IFT81: variants seen among roughly 807,000 people sequenced by gnomAD.
The protein encoded by IFT81 is intraflagellar transport 81.
In IFT81, 72 loss-of-function variants were observed where a neutral mutation model predicts 102.6. The observed-to-expected ratio is 0.70, with a 90% CI of 0.58 to 0.85. IFT81 has a LOEUF of 0.85. Among genes scored for constraint, IFT81 ranks in the 40% least tolerant of loss-of-function variants. The pLI, the probability that IFT81 is intolerant of heterozygous loss-of-function variation, is 0.00. For missense variants in IFT81, 723 were observed against 787.3 expected (o/e 0.92, Z 0.98); for synonymous variants, 237 against 242.7 (o/e 0.98, Z 0.22).
chr12:110,156,950 T>A lies in IFT81; in HGVS notation c.1042-5969T>A, dbSNP rs79938910. ...ATGATCTTATTGAGGATCTCTTGTA[T>A]GTGACTAGTCAGTCTCTTGATGCCT... On this transcript the variant is annotated intron_variant, in intron 10 of 18. Transcript: ENST00000242591. Among the ~76,000 whole-genome samples, 471 of 152,342 alleles carry A rather than the reference T, an allele frequency of 3.1e-3. 15 individuals carry two copies. The East Asian group carries it at 0.07, about 23-fold the overall frequency.
At chr12:110,140,096 T>C (rs1470349027) in intron 8 of IFT81, among the ~76,000 whole-genome samples, 2 of 151,850 alleles carry the variant, frequency 1.3e-5, no homozygotes, top group Non-Finnish European at 2.9e-5. Context: ...ATATTTAAAA[T>C]GTATTAAATT....
chr12:110,193,292 G>A (rs1160352303), intron 14 of IFT81, among the ~76,000 whole-genome samples: 2 of 152,146 alleles, frequency 1.3e-5, no homozygotes, highest in Non-Finnish European at 2.9e-5. Context: ...AATTCAGCCA[G>A]AGGAGATTTT....
At chr12:110,137,690 C>T (rs1020800780) in intron 8 of IFT81, among the ~76,000 whole-genome samples, 11 of 151,970 alleles carry the variant, frequency 7.2e-5, no homozygotes, top group Admixed American at 4.6e-4. Context: ...GAGCCGAGAT[C>T]GCGCCATTGT....
At chr12:110,186,717 C>T (rs144268603) in intron 12 of IFT81, among the ~76,000 whole-genome samples, 1 of 151,950 alleles carries the variant, frequency 6.6e-6, no homozygotes, top group African/African-American at 2.4e-5. Context: ...TTTTTTTAGA[C>T]ACAGGGTTTT....
intron 10 of IFT81, among the ~76,000 whole-genome samples, chr12:110,149,532 T>C (rs959941936): frequency 1.4e-4 from 21 of 152,232 alleles, no homozygotes; most frequent in African/African-American, 3.6e-4. Flanking sequence ...CTGGGGTTCT[T>C]GTCTTGGTGT....
Position 110,218,207 on chromosome 12 carries a change from AGGACC to A in IFT81, c.2015_2019del (p.Asp672AlafsTer15), listed in dbSNP as rs864309658. The A allele has an allele frequency of 4.2e-5, 66 of 1,562,968 alleles. 1 individual carries two copies. The Middle Eastern group carries it at 1.6e-3, about 37-fold the overall frequency. On this transcript the variant is annotated frameshift_variant, in exon 19 of 19. Transcript: ENST00000242591. LOFTEE classifies it high-confidence loss of function. ...GGTCAGGTAATTCAGGAGGGTGGGG[AGGACC>A]GGCTAATACTGTGAATTCTTGTGTC... is the stretch of plus-strand genomic sequence containing the variant.
At chr12:110,159,052 G>A (rs900762785) in intron 10 of IFT81, among the ~76,000 whole-genome samples, 2 of 152,182 alleles carry the variant, frequency 1.3e-5, no homozygotes, top group African/African-American at 2.4e-5. Context: ...GTGGACATTG[G>A]AATCTCATAA....
chr12:110,216,902 G>C (rs1212522030), intron 18 of IFT81: 1 of 193,538 alleles, frequency 5.2e-6, no homozygotes, highest in Non-Finnish European at 1.1e-5. Flanking sequence ...TGATCCTGTT[G>C]GTTTCTTGAG....
chr12:110,185,966 C>T (rs539561641), intron 12 of IFT81, among the ~76,000 whole-genome samples: 1 of 152,246 alleles, frequency 6.6e-6, no homozygotes, highest in East Asian at 1.9e-4. Context: ...CCTGTTTACT[C>T]TTTTCATGGT....
Position 110,190,917 on chromosome 12 carries a change from T to C in IFT81, c.1339-3T>C, listed in dbSNP as rs1370119786. On this transcript the variant is annotated splice_region_variant and splice_polypyrimidine_tract_variant and intron_variant, in intron 12 of 18. Transcript: ENST00000242591. ...TTGTGGCCTTTTTATTTTTTACTTA[T>C]AGCAAACTATGGAGGAGAAAAAGGG... 1 of 1,522,670 alleles carries C rather than the reference T, an allele frequency of 6.6e-7. No homozygotes were observed. The highest frequency in any genetic ancestry group is 2.4e-5 in the East Asian group (1 of 41,276). The allele number at this position is 1,522,670 out of a possible 1,614,324, so 94.3% of individuals were successfully genotyped here.
In IFT81 at chr12:110,150,524, G is replaced by A. The variant is rs138061244; in HGVS notation, c.1041+3476G>A. Among the ~76,000 whole-genome samples the A allele has an allele frequency of 3.8e-4, 58 of 152,160 alleles. 1 individual carries two copies. The highest frequency in any genetic ancestry group is 1.2e-3 in the African/African-American group (50 of 41,496). ...GGACTACTTGGTTTTACTTAGTCTC[G>A]TCAATCTCACATCTTTTTCCTTATC... On this transcript the variant is annotated intron_variant, in intron 10 of 18. Transcript: ENST00000242591.
intron 12 of IFT81, among the ~76,000 whole-genome samples, chr12:110,185,381 G>A (rs1376001527): frequency 6.6e-6 from 1 of 151,452 alleles, no homozygotes; most frequent in Non-Finnish European, 1.5e-5. Context: ...TAGTAGAGAC[G>A]GGGTTTCACC....
rs551236440 is a variant in IFT81 at position 110,136,788 on chromosome 12, G to T, written c.709G>T (p.Val237Leu). The T allele has an allele frequency of 6.2e-6, 10 of 1,608,880 alleles. No homozygotes were observed. The highest frequency in any genetic ancestry group is 3.3e-4 in the Middle Eastern group (2 of 6,048). ...TTGTATTTTAAAGCTATTTCATGCAGTGCAAAGATTGCAAAGAGTACAAAA... is the reference window on the plus strand; with the variant it reads ...TTGTATTTTAAAGCTATTTCATGCATTGCAAAGATTGCAAAGAGTACAAAA... ...QEQKNQLFHA[V>L]QRLQRVQNQL... The change falls in exon 8 of 19, where the codon GTG (valine) becomes TTG (leucine). Residue 237 changes from valine (V) to leucine (L), a missense_variant. Transcript: ENST00000242591.
intron 10 of IFT81, 24 bp downstream of exon 10, chr12:110,147,072 A>G (rs758077569): frequency 3.2e-6 from 5 of 1,564,600 alleles, no homozygotes; most frequent in Non-Finnish European, 4.3e-6. Context: ...TTTGGCTCAC[A>G]TATTTAGATC....
chr12:110,191,741 T>A (rs560805234), intron 13 of IFT81, among the ~76,000 whole-genome samples: 37 of 152,276 alleles, frequency 2.4e-4, no homozygotes, highest in African/African-American at 8.9e-4. Flanking sequence ...AATGTTGATA[T>A]CTTATATTAC....
At chr12:110,157,617 C>T (rs555035262) in intron 10 of IFT81, among the ~76,000 whole-genome samples, 39 of 152,040 alleles carry the variant, frequency 2.6e-4, no homozygotes, top group Admixed American at 2.2e-3. Context: ...CTATCTGTCC[C>T]TTTCTCTTTG....
At chr12:110,173,907 T>G (rs895601241) in intron 11 of IFT81, among the ~76,000 whole-genome samples, 1 of 151,300 alleles carries the variant, frequency 6.6e-6, no homozygotes, top group African/African-American at 2.4e-5. Context: ...CCTCCACTAT[T>G]GTCCTATGAC....
intron 12 of IFT81, among the ~76,000 whole-genome samples, chr12:110,180,797 G>C (rs565992880): frequency 8.5e-5 from 13 of 152,292 alleles, no homozygotes; most frequent in Middle Eastern, 3.4e-3. Context: ...AGAAAAACTT[G>C]AATTCCAAGT....
chr12:110,180,602 A>G (rs1218126052), intron 12 of IFT81, 31 bp downstream of exon 12: 2 of 1,538,088 alleles, frequency 1.3e-6, no homozygotes, highest in Non-Finnish European at 1.8e-6. Context: ...GCTACTATAA[A>G]TACAAATGCC....
Sources: gnomAD v4.1 joint callset for allele counts (sites outside exome capture counted in the v4.1 genomes callset) on GRCh38, gnomAD v4.1.1 for gene constraint, MANE v1.5 for transcripts, NCBI Gene and HGNC (gene_info 2026-07-23, HGNC 2026-07-21) for gene names.